EML6: variants seen among roughly 807,000 people sequenced by gnomAD.
The protein encoded by EML6 is EMAP like 6.
EML6 carries 154 observed loss-of-function variants against 240.1 expected under a neutral mutation model. That is an observed-to-expected ratio of 0.64 (90% CI 0.56 to 0.73). The LOEUF (loss-of-function observed/expected upper bound fraction) is 0.73. Among genes scored for constraint, EML6 ranks in the 30% least tolerant of loss-of-function variants. EML6 has a pLI of 0.00. For missense variants in EML6, 2,964 were observed against 2,474.6 expected, an observed-to-expected ratio of 1.20 and a Z score of -4.20; for synonymous variants, 1,148 against 899.0, an observed-to-expected ratio of 1.28 and a Z score of -4.95.
chr2:54,957,633 G>A (rs530248294), intron 32 of EML6, among the ~76,000 whole-genome samples, 157 bp from the exon 33 acceptor site: 1 of 152,230 alleles, frequency 6.6e-6, no homozygotes, highest in Admixed American at 6.5e-5. Flanking sequence ...TTTCCCCGCT[G>A]CCACCTGGGG....
chr2:54,932,574 CTT>C (rs1176891079), intron 28 of EML6, among the ~76,000 whole-genome samples: 1 of 152,152 alleles, frequency 6.6e-6, no homozygotes, highest in Non-Finnish European at 1.5e-5. Flanking sequence ...ATAATGTACT[CTT>C]TTGTCCATCT....
intron 26 of EML6, among the ~76,000 whole-genome samples, chr2:54,926,881 C>T (rs925009901): frequency 6.6e-6 from 1 of 152,138 alleles, no homozygotes; most frequent in Non-Finnish European, 1.5e-5. Flanking sequence ...TTCTTGCCAT[C>T]TAGAAACCCT....
At chr2:54,822,401 A>G (rs1240210744) in intron 5 of EML6, among the ~76,000 whole-genome samples, 1 of 152,160 alleles carries the variant, frequency 6.6e-6, no homozygotes, top group Non-Finnish European at 1.5e-5. Flanking sequence ...TCCCAAGCAA[A>G]TTGTTAGAAG....
At chr2:54,797,265 T>G (rs1669867952) in intron 2 of EML6, among the ~76,000 whole-genome samples, 1 of 151,184 alleles carries the variant, frequency 6.6e-6, no homozygotes, top group African/African-American at 2.4e-5. Flanking sequence ...TGAGGATGGA[T>G]GCTGCTGGTC....
intron 2 of EML6, among the ~76,000 whole-genome samples, chr2:54,753,711 A>ACTG (rs1684275990): frequency 6.7e-6 from 1 of 149,442 alleles, no homozygotes; most frequent in Non-Finnish European, 1.5e-5. Flanking sequence ...TGTGGCTCAA[A>ACTG]CTGGAGTGCA....
chr2:54,918,964 T>C (rs1674075929), intron 26 of EML6, among the ~76,000 whole-genome samples: 1 of 152,222 alleles, frequency 6.6e-6, no homozygotes, highest in African/African-American at 2.4e-5. Flanking sequence ...TTACATTACC[T>C]CATGAATCAA....
chr2:54,926,371 G>C lies in EML6; in HGVS notation c.3676-1942G>C, dbSNP rs1486171752. Reference sequence around the variant, plus strand: ...CCCGCCTTGGCCTCCCAAAGTGCTGGGATTACAGGCATGAACCAGTGCACC... The same window carrying C: ...CCCGCCTTGGCCTCCCAAAGTGCTGCGATTACAGGCATGAACCAGTGCACC... On this transcript the variant is annotated intron_variant, in intron 26 of 41. Coordinates refer to ENST00000356458, the MANE Select transcript of EML6 (RefSeq NM_001039753.4). Among the ~76,000 whole-genome samples the C allele has an allele frequency of 4.6e-5, 7 of 152,206 alleles. No homozygotes were observed. The East Asian group carries it at 1.3e-3, about 29-fold the overall frequency.
Position 54,800,140 on chromosome 2 carries a change from G to T in EML6, c.198-13092G>T, listed in dbSNP as rs1259901735. ...CACGCCTGTAATCCCAGCTACTCGG[G>T]AGGCTGAGGCAGAAGAATCGCTTGA... On this transcript the variant is annotated intron_variant, in intron 2 of 41. Coordinates refer to ENST00000356458, the MANE Select transcript of EML6 (RefSeq NM_001039753.4). 3.9e-5 allele frequency among the ~76,000 whole-genome samples: 6 copies of T among 152,188 alleles called. No individual in the cohort carries two copies. In the South Asian group the frequency reaches 1.2e-3, roughly 32 times the overall value.
rs752099113 is a variant in EML6 at position 54,895,303 on chromosome 2, G to C, written c.2885G>C (p.Arg962Pro). The change falls in exon 21 of 42, where the codon CGT (arginine) becomes CCT (proline). Residue 962 changes from arginine to proline, a missense_variant. Arg to Pro is a moderately radical substitution (Grantham distance 103). Coordinates refer to ENST00000356458, the MANE Select transcript of EML6 (RefSeq NM_001039753.4). ...GLLLEDNPSI[R>P]AITLGHGHIL... The stretch of plus-strand genomic sequence containing the variant: ...CTTTTGGAAGATAACCCTTCAATTC[G>C]TGCCATCACTTTGGGACATGGACAT... 4 of 1,551,684 alleles carry C rather than the reference G, an allele frequency of 2.6e-6. No individual in the cohort carries two copies. In the Admixed American group the frequency reaches 7.8e-5, roughly 30 times the overall value.
chr2:54,769,973 A>G (rs1195160808), intron 2 of EML6, among the ~76,000 whole-genome samples: 1 of 152,100 alleles, frequency 6.6e-6, no homozygotes, highest in African/African-American at 2.4e-5. Context: ...TCCCACTATT[A>G]TATTATATTA....
chr2:54,830,295 G>C (rs186283291), intron 7 of EML6, among the ~76,000 whole-genome samples: 1 of 152,272 alleles, frequency 6.6e-6, no homozygotes, highest in Non-Finnish European at 1.5e-5. Context: ...GCACAGGTTG[G>C]GAGGTTCTGT....
At chr2:54,837,716 G>A (rs1264879343) in intron 7 of EML6, among the ~76,000 whole-genome samples, 2 of 152,220 alleles carry the variant, frequency 1.3e-5, no homozygotes, top group East Asian at 3.9e-4. Context: ...AACACACTAG[G>A]TGGAGAATGG....
At chr2:54,790,102 C>T (rs776859364) in intron 2 of EML6, among the ~76,000 whole-genome samples, 4 of 152,126 alleles carry the variant, frequency 2.6e-5, no homozygotes, top group African/African-American at 4.8e-5. Context: ...GAATGTCTTC[C>T]GATGACATTG....
chr2:54,933,741 GAAA>G (rs543399763), intron 28 of EML6, among the ~76,000 whole-genome samples: 1 of 149,674 alleles, frequency 6.7e-6, no homozygotes, highest in African/African-American at 2.5e-5. Context: ...CAAAAAGAAA[GAAA>G]AAAAAACCCA....
At chr2:54,961,184 G>GTTGTTTTTTTTTTTTTGTTTT in intron 35 of EML6, among the ~76,000 whole-genome samples, 1 of 55,424 alleles carries the variant, frequency 1.8e-5, no homozygotes, top group Admixed American at 2.7e-4. Flanking sequence ...TCAGGAAGTA[G>GTTGTTTTTTTTTTTTTGTTTT]TTTTTTTTTT....
At chr2:54,742,787 G>A (rs1331328081) in intron 2 of EML6, among the ~76,000 whole-genome samples, 2 of 152,136 alleles carry the variant, frequency 1.3e-5, no homozygotes, top group Non-Finnish European at 1.5e-5. Flanking sequence ...TTTGCAAAGT[G>A]AGTTGAAGAA....
chr2:54,817,307 A>G (rs1199502777), intron 4 of EML6, among the ~76,000 whole-genome samples: 1 of 152,258 alleles, frequency 6.6e-6, no homozygotes, highest in East Asian at 1.9e-4. Context: ...ATTTGAGAAC[A>G]TAGAATGTGA....
At chr2:54,873,318 G>C (rs1408108505) in intron 16 of EML6, among the ~76,000 whole-genome samples, 1 of 152,158 alleles carries the variant, frequency 6.6e-6, no homozygotes, top group Non-Finnish European at 1.5e-5. Flanking sequence ...TAAAAATCAA[G>C]GTTAAACAGT....
At chr2:54,919,910 T>A (rs1674131945) in intron 26 of EML6, among the ~76,000 whole-genome samples, 1 of 152,254 alleles carries the variant, frequency 6.6e-6, no homozygotes, top group East Asian at 1.9e-4. Flanking sequence ...AAAGTTACAC[T>A]ATGTTTTGTA....
Sources: allele counts gnomAD v4.1 joint callset (sites outside exome capture counted in the v4.1 genomes callset), GRCh38; gene constraint gnomAD v4.1.1; transcripts MANE v1.5; gene names NCBI Gene and HGNC (gene_info 2026-07-23, HGNC 2026-07-21).